Variants in CRPPA observed in about 807,000 individuals in gnomAD.
CRPPA encodes the protein CDP-L-ribitol pyrophosphorylase A.
A neutral mutation model predicts 52.0 loss-of-function variants in CRPPA; 43 were observed. The observed-to-expected ratio is 0.83, with a 90% CI of 0.65 to 1.07. CRPPA has a LOEUF of 1.07. Among genes scored for constraint, CRPPA ranks in the 50% least tolerant of loss-of-function variants. The pLI is 0.00. For missense variants in CRPPA, 629 were observed against 551.7 expected, an observed-to-expected ratio of 1.14 and a Z score of -1.40; for synonymous variants, 250 against 203.5, an observed-to-expected ratio of 1.23 and a Z score of -1.94.
At chr7:16,389,437 C>T (rs1170913457) in intron 2 of CRPPA, among the ~76,000 whole-genome samples, 2 of 151,624 alleles carry the variant, frequency 1.3e-5, no homozygotes, top group South Asian at 2.1e-4. Flanking sequence ...CCCAGGAATA[C>T]CAGATCGGTT....
At chr7:16,190,377 T>C (rs552011427) in intron 9 of CRPPA, among the ~76,000 whole-genome samples, 1 of 152,306 alleles carries the variant, frequency 6.6e-6, no homozygotes, top group South Asian at 2.1e-4. Flanking sequence ...TTTTAGGTAA[T>C]AGGAACAAAC....
At chr7:16,285,657 A>T (rs866306261) in intron 5 of CRPPA, among the ~76,000 whole-genome samples, 1 of 152,086 alleles carries the variant, frequency 6.6e-6, no homozygotes, top group Non-Finnish European at 1.5e-5. Flanking sequence ...AAGAAGCCCA[A>T]ATTTTTCTGT....
intron 4 of CRPPA, among the ~76,000 whole-genome samples, chr7:16,303,057 C>T (rs895552818): frequency 7.2e-5 from 11 of 152,008 alleles, no homozygotes; most frequent in East Asian, 3.9e-4. Context: ...TTTTGAAGTA[C>T]GTTAGCTATG....
chr7:16,226,603 C>T (rs1158496045), intron 8 of CRPPA, among the ~76,000 whole-genome samples: 1 of 151,752 alleles, frequency 6.6e-6, no homozygotes, highest in Non-Finnish European at 1.5e-5. Context: ...AAACTCAGGT[C>T]ATCAGTTTAG....
chr7:16,249,831 G>C lies in CRPPA; in HGVS notation c.1119+8559C>G, dbSNP rs148320323. Among the ~76,000 whole-genome samples, 101 of 152,272 alleles carry C rather than the reference G, an allele frequency of 6.6e-4. No individual in the cohort carries two copies. In the East Asian group the frequency reaches 0.019, roughly 29 times the overall value. ...ACCAGAATGCCTCTTCTCCTTCAAAGGATCACAACTCCTCGCCAGCAAGGG... is the reference window on the plus strand; with the variant it reads ...ACCAGAATGCCTCTTCTCCTTCAAACGATCACAACTCCTCGCCAGCAAGGG... On this transcript the variant is annotated intron_variant, in intron 8 of 9. Coordinates refer to ENST00000407010, the MANE Select transcript of CRPPA (RefSeq NM_001101426.4).
At chr7:16,256,077 G>A (rs1010402692) in intron 8 of CRPPA, among the ~76,000 whole-genome samples, 4 of 151,988 alleles carry the variant, frequency 2.6e-5, no homozygotes, top group African/African-American at 9.7e-5. Context: ...AATCCACAAG[G>A]AACTTAAACA....
intron 9 of CRPPA, among the ~76,000 whole-genome samples, chr7:16,120,423 CTT>C: frequency 6.6e-6 from 1 of 152,214 alleles, no homozygotes; most frequent in East Asian, 1.9e-4. Context: ...TAATGTTTCT[CTT>C]AGTGACTGTA....
At chr7:16,305,546 C>G (rs1314962754) in intron 4 of CRPPA, among the ~76,000 whole-genome samples, 1 of 152,132 alleles carries the variant, frequency 6.6e-6, no homozygotes, top group African/African-American at 2.4e-5. Context: ...CAGTGAATTA[C>G]TACAAACTGG....
At chr7:16,155,037 T>G (rs908925828) in intron 9 of CRPPA, among the ~76,000 whole-genome samples, 2 of 151,260 alleles carry the variant, frequency 1.3e-5, no homozygotes, top group African/African-American at 4.9e-5. Flanking sequence ...TAGGCTGTCT[T>G]CAACTCCTGA....
intron 9 of CRPPA, among the ~76,000 whole-genome samples, chr7:16,105,567 G>C (rs1246141658): frequency 6.6e-6 from 1 of 152,122 alleles, no homozygotes; most frequent in Non-Finnish European, 1.5e-5. Flanking sequence ...AGGAGGCAGA[G>C]GTCCTAGTGA....
chr7:16,310,359 A>G (rs1409699722), intron 3 of CRPPA, among the ~76,000 whole-genome samples: 1 of 152,128 alleles, frequency 6.6e-6, no homozygotes, highest in Non-Finnish European at 1.5e-5. Flanking sequence ...AGAGAAACAC[A>G]CAGTCAACAC....
At chr7:16,228,522 AT>A (rs1782709920) in intron 8 of CRPPA, among the ~76,000 whole-genome samples, 1 of 151,956 alleles carries the variant, frequency 6.6e-6, no homozygotes, top group African/African-American at 2.4e-5. Context: ...GTCTCAAGGA[AT>A]TTTTTAATTA....
intron 9 of CRPPA, among the ~76,000 whole-genome samples, chr7:16,113,724 C>T (rs950799670): frequency 1.3e-5 from 2 of 151,482 alleles, no homozygotes; most frequent in East Asian, 3.9e-4. Flanking sequence ...ACACTCCCCC[C>T]TCCACACACC....
chr7:16,150,316 T>C lies in CRPPA; in HGVS notation c.1252-58517A>G, dbSNP rs144841393. ...CTTACTTTCTAGTTTTTAAAATTTA[T>C]TTTAACTATTAAAATATAACATTTC... On this transcript the variant is annotated intron_variant, in intron 9 of 9. Coordinates refer to ENST00000407010, the MANE Select transcript of CRPPA (RefSeq NM_001101426.4). 3.0e-3 allele frequency among the ~76,000 whole-genome samples: 452 copies of C among 152,282 alleles called. 3 individuals are homozygous for C. Among genetic ancestry groups the C allele is most frequent in the African/African-American group, 0.01 (434 of 41,562 alleles).
chr7:16,289,617 AT>A (rs1317643832), intron 5 of CRPPA, among the ~76,000 whole-genome samples: 3 of 152,202 alleles, frequency 2.0e-5, no homozygotes, highest in African/African-American at 7.2e-5. Flanking sequence ...AAAGCATTTG[AT>A]AAAATTCAGC....
intron 9 of CRPPA, among the ~76,000 whole-genome samples, chr7:16,133,915 C>T (rs1174586451): frequency 8.0e-6 from 1 of 124,550 alleles, no homozygotes; most frequent in Admixed American, 8.1e-5. Flanking sequence ...TTAACATCTT[C>T]TTAACATCAT....
chr7:16,301,793 T>C (rs1191459960), intron 4 of CRPPA, among the ~76,000 whole-genome samples: 4 of 152,158 alleles, frequency 2.6e-5, no homozygotes, highest in Non-Finnish European at 4.4e-5. Flanking sequence ...AACGAGGTTT[T>C]ATACTAGAGA....
chr7:16,260,152 A>G (rs555052549), intron 6 of CRPPA, among the ~76,000 whole-genome samples: 10 of 152,156 alleles, frequency 6.6e-5, no homozygotes, highest in African/African-American at 2.2e-4. Context: ...CAGGGAGACA[A>G]TTTTTCAAAA....
intron 2 of CRPPA, among the ~76,000 whole-genome samples, chr7:16,380,495 C>T (rs1422074174): frequency 2.1e-4 from 32 of 152,244 alleles, no homozygotes; most frequent in Admixed American, 2.0e-3. Flanking sequence ...CAGAATGATG[C>T]TGGCCTCATA....
Sources: gnomAD v4.1 joint callset for allele counts (sites outside exome capture counted in the v4.1 genomes callset) on GRCh38, gnomAD v4.1.1 for gene constraint, MANE v1.5 for transcripts, NCBI Gene and HGNC (gene_info 2026-07-23, HGNC 2026-07-21) for gene names.